Variants in SIK3 observed in about 807,000 individuals in gnomAD.
The protein encoded by SIK3 is SIK family kinase 3, also known as serine/threonine-protein kinase SIK3.
In SIK3, 28 loss-of-function variants were observed where a neutral mutation model predicts 144.2. The ratio of observed to expected loss-of-function variants is 0.19; its 90% CI spans 0.14 to 0.27. SIK3 has a LOEUF of 0.27. SIK3 is among the 10% of genes least tolerant of loss of function. The pLI, the probability that SIK3 is intolerant of heterozygous loss-of-function variation, is 1.00. For synonymous variants in SIK3, 686 were observed against 676.3 expected (o/e 1.01, Z -0.22); for missense variants, 1,319 against 1,776.0 (o/e 0.74, Z 4.62).
chr11:116,992,554 A>C (rs574734635), intron 1 of SIK3, among the ~76,000 whole-genome samples: 2 of 152,340 alleles, frequency 1.3e-5, no homozygotes, highest in Non-Finnish European at 2.9e-5. Flanking sequence ...TGGACCATGC[A>C]GCACCCAATA....
chr11:116,962,006 T>C (rs576090137), intron 1 of SIK3, among the ~76,000 whole-genome samples: 2 of 152,338 alleles, frequency 1.3e-5, no homozygotes, highest in Admixed American at 1.3e-4. Flanking sequence ...ACAGTTCTTT[T>C]TAACTCAACT....
At chr11:117,056,582 G>GAT (rs1487668281) in intron 1 of SIK3, among the ~76,000 whole-genome samples, 1 of 122,542 alleles carries the variant, frequency 8.2e-6, no homozygotes, top group Non-Finnish European at 1.6e-5. Context: ...TATAGATATA[G>GAT]ATATAGATAT....
intron 6 of SIK3, among the ~76,000 whole-genome samples, chr11:116,887,417 G>A (rs1464989118): frequency 6.6e-6 from 1 of 151,990 alleles, no homozygotes; most frequent in African/African-American, 2.4e-5. Context: ...AGGAGTTCAA[G>A]ACCAGCCTGG....
chr11:116,987,838 C>T (rs903867365), intron 1 of SIK3, among the ~76,000 whole-genome samples: 2 of 152,106 alleles, frequency 1.3e-5, no homozygotes, highest in Non-Finnish European at 2.9e-5. Context: ...AATCATTATG[C>T]AGAGAACACG....
rs970668740 is a variant in SIK3, at chr11:116,995,537, T to C, written c.274-38473A>G. On this transcript the variant is annotated intron_variant, in intron 1 of 24. Coordinates refer to ENST00000445177, the MANE Select transcript of SIK3 (RefSeq NM_001366686.3). ...CTCAACCCTCCCAAAGTGCTGGGAT[T>C]ACAGGTATGAGCCGCCACACCCGGC... Among the ~76,000 whole-genome samples, 16 of 152,064 alleles carry C rather than the reference T, an allele frequency of 1.1e-4. No individual in the cohort carries two copies. In the East Asian group the frequency reaches 3.1e-3, roughly 30 times the overall value.
intron 3 of SIK3, among the ~76,000 whole-genome samples, chr11:116,941,408 T>TAAAAAAAAA (rs11339061): frequency 7.0e-6 from 1 of 142,738 alleles, no homozygotes; most frequent in Non-Finnish European, 1.5e-5. Context: ...TAAAAACATG[T>TAAAAAAAAA]AAAAAAAAAA....
intron 1 of SIK3, among the ~76,000 whole-genome samples, chr11:117,068,874 TA>T (rs1325260170): frequency 1.3e-5 from 2 of 152,218 alleles, no homozygotes; most frequent in African/African-American, 4.8e-5. Context: ...TCCTATTCTC[TA>T]ATTATGTTTT....
chr11:116,850,318 T>C (rs147043690), intron 21 of SIK3, among the ~76,000 whole-genome samples: 1,550 of 152,288 alleles, frequency 0.01, 30 homozygotes, highest in African/African-American at 0.036. Flanking sequence ...TCTCCATACA[T>C]TCTAAGCTCT....
At position 116,957,012 on chromosome 11, in the gene SIK3, T is replaced by A; in HGVS notation, c.326A>T (p.Lys109Met). The change falls in exon 2 of 25, where the codon AAG (lysine) becomes ATG (methionine). Residue 109 changes from lysine to methionine, a missense_variant. This residue lies in a region of SIK3 where 125 missense variants were observed against 285.2 expected (regional missense o/e 0.44). Transcript: ENST00000445177. ...KTQLDEENLK[K>M]IFREVQIMKM... ...CATAATTTGAACTTCCCGGAAAATC[T>A]TCTTCAAGTTTTCTTCATCCAGCTG... is the stretch of plus-strand genomic sequence containing the variant. The A allele has an allele frequency of 6.2e-7, 1 of 1,611,418 alleles. No individual in the cohort carries two copies. Among genetic ancestry groups the A allele is most frequent in the Non-Finnish European group, 8.5e-7 (1 of 1,179,272 alleles).
Position 116,863,951 on chromosome 11 carries a change from T to C in SIK3, c.1953-133A>G. 7 of 891,834 alleles carry C rather than the reference T, an allele frequency of 7.8e-6. 1 individual carries two copies. In the South Asian group the frequency reaches 1.2e-4, roughly 16 times the overall value. The allele number at this position is 891,834 out of a possible 1,614,324, so 55.2% of individuals were successfully genotyped here. On this transcript the variant is annotated intron_variant, in intron 15 of 24. Coordinates refer to ENST00000445177, the MANE Select transcript of SIK3 (RefSeq NM_001366686.3). ...AGCCCTGCATATTATGCCACTTTCA[T>C]GCCATTTCCAGACATCAGTCGTTTC... is the stretch of plus-strand genomic sequence containing the variant.
At chr11:116,949,267 A>G (rs942610167) in intron 3 of SIK3, among the ~76,000 whole-genome samples, 4 of 152,186 alleles carry the variant, frequency 2.6e-5, no homozygotes, top group African/African-American at 9.7e-5. Flanking sequence ...TTCAGCCTCT[A>G]ATGTGATTCC....
intron 4 of SIK3, among the ~76,000 whole-genome samples, chr11:116,905,620 TTTA>T (rs1945988253): frequency 2.0e-5 from 3 of 152,350 alleles, no homozygotes; most frequent in South Asian, 4.1e-4. Flanking sequence ...ACTTATTGTC[TTTA>T]TTATTATTAC....
intron 6 of SIK3, among the ~76,000 whole-genome samples, chr11:116,882,825 T>C (rs1944614591): frequency 6.6e-6 from 1 of 152,256 alleles, no homozygotes; most frequent in African/African-American, 2.4e-5. Flanking sequence ...TAAAAATGTT[T>C]ACTTCTTAGT....
chr11:117,051,672 G>A (rs189223435), intron 1 of SIK3, among the ~76,000 whole-genome samples: 2 of 151,796 alleles, frequency 1.3e-5, no homozygotes, highest in African/African-American at 4.8e-5. Context: ...GGATTTACAA[G>A]TGCACACCAC....
intron 1 of SIK3, among the ~76,000 whole-genome samples, chr11:116,960,228 G>C (rs1949291188): frequency 6.6e-6 from 1 of 152,100 alleles, no homozygotes; most frequent in Non-Finnish European, 1.5e-5. Context: ...AGAAGACATT[G>C]AAAAGTGAAG....
At chr11:117,055,258 A>G (rs1362388008) in intron 1 of SIK3, among the ~76,000 whole-genome samples, 14 of 152,230 alleles carry the variant, frequency 9.2e-5, no homozygotes, top group Admixed American at 9.2e-4. Context: ...ATACAGATTT[A>G]TAATAACAAT....
At chr11:116,865,599 A>T (rs891276797) in intron 15 of SIK3, among the ~76,000 whole-genome samples, 3 of 152,180 alleles carry the variant, frequency 2.0e-5, no homozygotes, top group East Asian at 1.9e-4. Flanking sequence ...GTTTAAAAAA[A>T]TTTTTTAGTT....
intron 1 of SIK3, among the ~76,000 whole-genome samples, chr11:116,971,820 G>A (rs1352776172): frequency 2.0e-5 from 3 of 152,134 alleles, no homozygotes; most frequent in Non-Finnish European, 2.9e-5. Flanking sequence ...CAGGCGTGGT[G>A]GCTCACGCCT....
Position 116,849,381 on chromosome 11 carries a change from G to T in SIK3, c.3656-98C>A, listed in dbSNP as rs1249151344. The T allele has an allele frequency of 1.4e-6, 2 of 1,405,850 alleles. No homozygotes were observed. Among genetic ancestry groups the T allele is most frequent in the Non-Finnish European group, 2.0e-6 (2 of 1,018,076 alleles). The allele number at this position is 1,405,850 out of a possible 1,614,324, so 87.1% of individuals were successfully genotyped here. A position where few individuals can be genotyped will look rare whatever the true frequency, so the allele number is the denominator to read the frequency against. Reference sequence around the variant, plus strand: ...TGTCTTGCAAGGGACAATGGGCAAGGCTGAGGAGATCATGTACACCAACCG... The same window carrying T: ...TGTCTTGCAAGGGACAATGGGCAAGTCTGAGGAGATCATGTACACCAACCG... On this transcript the variant is annotated intron_variant, in intron 21 of 24. Coordinates refer to ENST00000445177, the MANE Select transcript of SIK3 (RefSeq NM_001366686.3). The surrounding 1 kb of genome is among the most constrained non-coding windows in gnomAD (Gnocchi z 4.2).
Sources: gnomAD v4.1 joint callset for allele counts (sites outside exome capture counted in the v4.1 genomes callset) on GRCh38, gnomAD v4.1.1 for gene constraint, gnomAD v4.1.1 regional missense constraint, Gnocchi (gnomAD v3.1) non-coding constraint, MANE v1.5 for transcripts, NCBI Gene and HGNC (gene_info 2026-07-23, HGNC 2026-07-21) for gene names.